The following DMD variants were observed in gnomAD, a reference collection of about 807,000 sequenced individuals.
DMD encodes the protein dystrophin.
DMD carries 63 observed loss-of-function variants against 330.1 expected under a neutral mutation model. That is an observed-to-expected ratio of 0.19 (90% CI 0.16 to 0.24). DMD has a LOEUF of 0.24. Ranked by LOEUF, DMD falls within the 10% of genes least tolerant of loss-of-function variation. The probability of loss-of-function intolerance (pLI) is 1.00; values close to 1 mark genes in which losing one functional copy is unlikely to be tolerated. For missense variants in DMD, 3,344 were observed against 2,684.1 expected, an observed-to-expected ratio of 1.25 and a Z score of -5.43; for synonymous variants, 1,223 against 959.8, an observed-to-expected ratio of 1.27 and a Z score of -5.07.
chrX:32,843,391 G>C (rs1007070232), intron 4 of DMD, among the ~76,000 whole-genome samples: 9 of 111,848 alleles, frequency 8.0e-5, no homozygotes, highest in African/African-American at 2.6e-4. Context: ...AAGAAAATCA[G>C]CTCATAGATT....
intron 18 of DMD, among the ~76,000 whole-genome samples, chrX:32,512,941 T>C (rs954338703): frequency 7.2e-5 from 8 of 111,844 alleles, no homozygotes; most frequent in Non-Finnish European, 1.1e-4. Flanking sequence ...CTAAAATTTT[T>C]ATCTAGATGG....
chrX:32,712,987 C>A (rs2065332716), intron 7 of DMD, among the ~76,000 whole-genome samples: 1 of 111,357 alleles, frequency 9.0e-6, no homozygotes, highest in African/African-American at 3.3e-5. Flanking sequence ...CTAACCTATT[C>A]TATCTCTAGA....
chrX:33,173,818 C>A (rs2148710188), intron 1 of DMD, among the ~76,000 whole-genome samples: 1 of 109,868 alleles, frequency 9.1e-6, no homozygotes, highest in Non-Finnish European at 1.9e-5. Flanking sequence ...TGAGGTAATT[C>A]ATATAGTCTG....
intron 30 of DMD, among the ~76,000 whole-genome samples, chrX:32,400,700 T>C (rs1322719054): frequency 1.6e-4 from 17 of 109,129 alleles, no homozygotes; most frequent in African/African-American, 3.7e-4. Context: ...GGAGAGGATG[T>C]GGAGAAATAG....
chrX:32,738,969 A>G (rs2068879244), intron 7 of DMD, among the ~76,000 whole-genome samples: 1 of 111,833 alleles, frequency 8.9e-6, no homozygotes, highest in African/African-American at 3.2e-5. Flanking sequence ...GAGAAAATGG[A>G]TATTAAGAAA....
chrX:31,460,862 G>A (rs1200865235), intron 59 of DMD, among the ~76,000 whole-genome samples: 4 of 111,785 alleles, frequency 3.6e-5, no homozygotes, highest in East Asian at 5.6e-4. Context: ...GATTACAGGC[G>A]TGAGCCACCA....
intron 11 of DMD, among the ~76,000 whole-genome samples, chrX:32,634,142 G>A (rs764616711): frequency 5.4e-5 from 6 of 111,635 alleles, no homozygotes; most frequent in Admixed American, 9.5e-5. Flanking sequence ...TGGCCACGAC[G>A]ACTACTGAAC....
chrX:31,178,451 CCT>C, intron 70 of DMD: 2 of 939,563 alleles, frequency 2.1e-6, no homozygotes, highest in East Asian at 4.2e-5. Flanking sequence ...TTTTTTTCCC[CCT>C]GTGAGATAAA....
intron 1 of DMD, among the ~76,000 whole-genome samples, chrX:33,219,217 G>A (rs1383953199): frequency 2.7e-5 from 3 of 109,410 alleles, no homozygotes; most frequent in Middle Eastern, 4.7e-3. Context: ...TCTGGTGGAA[G>A]ATAGAGGTAG....
chrX:31,379,837 G>A (rs1188328875), intron 60 of DMD, among the ~76,000 whole-genome samples: 1 of 111,877 alleles, frequency 8.9e-6, no homozygotes, highest in East Asian at 2.8e-4. Context: ...TTCCTCCTAA[G>A]CCATGTCCCA....
At chrX:31,707,570 A>T (rs1479518311) in intron 52 of DMD, among the ~76,000 whole-genome samples, 2 of 110,893 alleles carry the variant, frequency 1.8e-5, no homozygotes, top group Non-Finnish European at 3.8e-5. Context: ...ATCATGCAAT[A>T]CTCCCACGTG....
chrX:32,899,862 G>T (rs1039313436), intron 2 of DMD, among the ~76,000 whole-genome samples: 2 of 111,316 alleles, frequency 1.8e-5, no homozygotes, highest in East Asian at 2.8e-4. Context: ...TGACTTATTT[G>T]TGGGTTTGAA....
At chrX:31,608,175 T>C (rs1007908329) in intron 55 of DMD, among the ~76,000 whole-genome samples, 1 of 112,091 alleles carries the variant, frequency 8.9e-6, no homozygotes, top group Non-Finnish European at 1.9e-5. Flanking sequence ...ACTATTTTCA[T>C]ATATCTCACA....
chrX:32,787,521 G>A (rs140463962), intron 7 of DMD, among the ~76,000 whole-genome samples: 2,544 of 110,702 alleles, frequency 0.023, 30 homozygotes, highest in South Asian at 0.05. Context: ...ACCTACAGCA[G>A]ATGTCTGAAA....
intron 55 of DMD, among the ~76,000 whole-genome samples, chrX:31,615,673 G>C (rs1032684158): frequency 8.9e-6 from 1 of 111,850 alleles, no homozygotes; most frequent in African/African-American, 3.2e-5. Context: ...ATTTATGGAA[G>C]ATTAACAATT....
chrX:32,150,127 A>G (rs1416706489), intron 44 of DMD, among the ~76,000 whole-genome samples: 1 of 112,455 alleles, frequency 8.9e-6, no homozygotes, highest in Non-Finnish European at 1.9e-5. Context: ...GAGTAAAAGC[A>G]CAGCAGGGAA....
intron 30 of DMD, among the ~76,000 whole-genome samples, chrX:32,405,243 G>C (rs753917487): frequency 9.0e-6 from 1 of 111,543 alleles, no homozygotes; most frequent in Non-Finnish European, 1.9e-5. Context: ...GCTCAGCATG[G>C]TTACTTAGAC....
chrX:32,936,002 C>T (rs1347272939), intron 2 of DMD, among the ~76,000 whole-genome samples: 9 of 111,666 alleles, frequency 8.1e-5, no homozygotes, highest in African/African-American at 2.9e-4. Context: ...TTTAAAAGAC[C>T]TTATTAAGCT....
At chrX:31,685,248 T>C (rs960874074) in intron 52 of DMD, among the ~76,000 whole-genome samples, 1 of 112,013 alleles carries the variant, frequency 8.9e-6, no homozygotes, top group Admixed American at 9.4e-5. Flanking sequence ...AATTTCTTTA[T>C]ATTATGAATA....
Sources: allele counts gnomAD v4.1 joint callset (sites outside exome capture counted in the v4.1 genomes callset), GRCh38; gene constraint gnomAD v4.1.1; transcripts MANE v1.5; gene names NCBI Gene and HGNC (gene_info 2026-07-23, HGNC 2026-07-21).